Variants in PPP1R16B observed in about 807,000 individuals in gnomAD.
The protein encoded by PPP1R16B is protein phosphatase 1 regulatory inhibitor subunit 16B.
Under a neutral mutation model 61.7 loss-of-function variants are expected in PPP1R16B, and 14 were observed. The ratio of observed to expected loss-of-function variants is 0.23; its 90% confidence interval spans 0.15 to 0.35. The LOEUF (loss-of-function observed/expected upper bound fraction) is 0.35, where lower values mean the gene tolerates loss of function less well. Ranked by LOEUF, PPP1R16B falls within the 10% of genes least tolerant of loss-of-function variation. PPP1R16B has a pLI of 1.00. For synonymous variants in PPP1R16B, 266 were observed against 305.3 expected (o/e 0.87, Z 1.34); for missense variants, 547 against 752.5 (o/e 0.73, Z 3.19).
intron 2 of PPP1R16B, among the ~76,000 whole-genome samples, chr20:38,865,307 T>C (rs1246203087): frequency 7.1e-6 from 1 of 140,362 alleles, no homozygotes; most frequent in Admixed American, 7.2e-5. Flanking sequence ...TTTTTTTTTT[T>C]GAGACGGAGT....
At chr20:38,913,911 G>A (rs1036442545) in intron 10 of PPP1R16B, among the ~76,000 whole-genome samples, 2 of 152,168 alleles carry the variant, frequency 1.3e-5, no homozygotes, top group African/African-American at 4.8e-5. Flanking sequence ...ATCATTTACC[G>A]CTGGGCGCAG....
intron 1 of PPP1R16B, among the ~76,000 whole-genome samples, chr20:38,832,145 C>T (rs1458514029): frequency 6.6e-6 from 1 of 152,164 alleles, no homozygotes; most frequent in Non-Finnish European, 1.5e-5. Context: ...CACTATCTAG[C>T]GGTGGTATGT....
At chr20:38,864,374 T>C (rs956089813) in intron 2 of PPP1R16B, among the ~76,000 whole-genome samples, 10 of 152,210 alleles carry the variant, frequency 6.6e-5, no homozygotes, top group Admixed American at 6.5e-4. Context: ...CGTTTAAAAA[T>C]GAAAAGTCAG....
intron 2 of PPP1R16B, among the ~76,000 whole-genome samples, chr20:38,842,147 C>T (rs1376812381): frequency 6.6e-6 from 1 of 152,222 alleles, no homozygotes; most frequent in African/African-American, 2.4e-5. Flanking sequence ...GATTCAAACC[C>T]AGATCAGTTT....
intron 7 of PPP1R16B, 108 bp from the exon 8 acceptor site, chr20:38,906,871 C>A: frequency 1.1e-6 from 1 of 894,508 alleles, no homozygotes; most frequent in Non-Finnish European, 1.8e-6. Context: ...TCAACTTTGT[C>A]CCACCATTCT....
intron 2 of PPP1R16B, among the ~76,000 whole-genome samples, chr20:38,877,620 C>T (rs967240665): frequency 3.9e-5 from 6 of 152,078 alleles, no homozygotes. Context: ...CCTATACTAA[C>T]CATTTTTGCT....
chr20:38,901,465 A>C (rs1468809948), intron 5 of PPP1R16B, among the ~76,000 whole-genome samples: 4 of 152,176 alleles, frequency 2.6e-5, no homozygotes. Flanking sequence ...GCTAGAGTGC[A>C]ATGGCACAAT....
chr20:38,921,271 G>A lies in PPP1R16B; in HGVS notation c.*2605G>A, dbSNP rs1040219806. On this transcript the variant is annotated 3_prime_UTR_variant, in exon 11 of 11. Coordinates refer to ENST00000299824, the MANE Select transcript of PPP1R16B (RefSeq NM_015568.4). The stretch of plus-strand genomic sequence containing the variant: ...TCTCCTGGGTGTTGAGAGACAAGTT[G>A]GAGACCAACCTCCAATGAATGAGCC... 10 of 152,172 alleles carry A rather than the reference G, an allele frequency of 6.6e-5. No individual in the cohort carries two copies. The highest frequency in any genetic ancestry group is 2.4e-4 in the African/African-American group (10 of 41,424). 9.4% of individuals were successfully genotyped at this position (152,172 alleles called of 1,614,324 possible). A position where few individuals can be genotyped will look rare whatever the true frequency, so the allele number is the denominator to read the frequency against.
intron 10 of PPP1R16B, among the ~76,000 whole-genome samples, chr20:38,913,703 C>T (rs1219144985): frequency 2.0e-5 from 3 of 152,030 alleles, no homozygotes; most frequent in Admixed American, 6.6e-5. Flanking sequence ...ACAGAGGCTG[C>T]AAGGACTGAG....
In PPP1R16B at chr20:38,839,411, G is replaced by A. The variant is rs141066478; in HGVS notation, c.250+3236G>A. Among the ~76,000 whole-genome samples, 118 of 152,254 alleles carry A rather than the reference G, an allele frequency of 7.8e-4. 1 individual carries two copies. The highest frequency in any genetic ancestry group is 3.4e-3 in the Middle Eastern group (1 of 294). On this transcript the variant is annotated intron_variant, in intron 2 of 10. Transcript: ENST00000299824. The stretch of plus-strand genomic sequence containing the variant: ...TTAATGTTTTTCAGAACCTAAATAT[G>A]CACAGATACATTCTTCTTGTAAAAA...
chr20:38,818,880 GCGAT>G (rs1210397460), intron 1 of PPP1R16B, among the ~76,000 whole-genome samples: 1 of 151,876 alleles, frequency 6.6e-6, no homozygotes, highest in Non-Finnish European at 1.5e-5. Flanking sequence ...CTGGGCTTAG[GCGAT>G]CCTCCCACCT....
chr20:38,909,365 A>T (rs1302086882), intron 10 of PPP1R16B, among the ~76,000 whole-genome samples: 1 of 152,178 alleles, frequency 6.6e-6, no homozygotes, highest in African/African-American at 2.4e-5. Context: ...GTATGACCTA[A>T]TCTTAATTTA....
chr20:38,915,797 GT>G (rs528236296), intron 10 of PPP1R16B, among the ~76,000 whole-genome samples: 5 of 151,120 alleles, frequency 3.3e-5, no homozygotes, highest in Non-Finnish European at 4.4e-5. Context: ...GCCTGTACAT[GT>G]TTTTTTTTAA....
At chr20:38,811,915 G>C (rs1219675834) in intron 1 of PPP1R16B, among the ~76,000 whole-genome samples, 1 of 152,220 alleles carries the variant, frequency 6.6e-6, no homozygotes, top group Non-Finnish European at 1.5e-5. Flanking sequence ...GTCCGTGACT[G>C]TGTCCAATTC....
intron 10 of PPP1R16B, among the ~76,000 whole-genome samples, chr20:38,916,206 G>GCTGGGTGCGGTGGCTCATGCCTGC (rs1568687979): frequency 1.3e-5 from 2 of 151,224 alleles, no homozygotes; most frequent in East Asian, 3.9e-4. Context: ...ACTCTAAAAG[G>GCTGGGTGCGGTGGCTCATGCCTGC]AGAAAGCGAA....
intron 6 of PPP1R16B, among the ~76,000 whole-genome samples, chr20:38,905,050 C>T (rs188645621): frequency 2.1e-3 from 314 of 152,340 alleles, no homozygotes; most frequent in Non-Finnish European, 3.4e-3. Flanking sequence ...CAGGCAGTGG[C>T]CATGACTGAA....
At chr20:38,850,632 T>C (rs1198030404) in intron 2 of PPP1R16B, among the ~76,000 whole-genome samples, 1 of 152,194 alleles carries the variant, frequency 6.6e-6, no homozygotes, top group Admixed American at 6.5e-5. Context: ...GCTGCTGACT[T>C]AGAAACACAG....
intron 2 of PPP1R16B, among the ~76,000 whole-genome samples, chr20:38,870,637 T>C (rs986904081): frequency 6.6e-6 from 1 of 151,854 alleles, no homozygotes; most frequent in Non-Finnish European, 1.5e-5. Flanking sequence ...GTTAGGAAGG[T>C]GTGAAACAGT....
intron 2 of PPP1R16B, among the ~76,000 whole-genome samples, chr20:38,878,759 T>C (rs1166353595): frequency 1.3e-5 from 2 of 152,230 alleles, no homozygotes; most frequent in Non-Finnish European, 2.9e-5. Context: ...TTATGATGGC[T>C]GTGAAGCTAT....
Sources: gnomAD v4.1 joint callset for allele counts (sites outside exome capture counted in the v4.1 genomes callset) on GRCh38, gnomAD v4.1.1 for gene constraint, MANE v1.5 for transcripts, NCBI Gene and HGNC (gene_info 2026-07-23, HGNC 2026-07-21) for gene names.